Variants in SOX6 observed in about 807,000 individuals in gnomAD.
SOX6 encodes the protein transcription factor SOX-6.
SOX6 carries 11 observed loss-of-function variants against 97.8 expected under a neutral mutation model. The observed-to-expected ratio is 0.11, with a 90% CI of 0.07 to 0.19. The LOEUF is 0.19. Ranked by LOEUF, SOX6 falls within the 10% of genes least tolerant of loss-of-function variation. The probability of loss-of-function intolerance (pLI) is 1.00; values close to 1 mark genes in which losing one functional copy is unlikely to be tolerated. For missense variants in SOX6, 810 were observed against 1,039.5 expected (o/e 0.78, Z 3.04); for synonymous variants, 360 against 371.4 (o/e 0.97, Z 0.35).
In SOX6 at chr11:16,214,947, A is replaced by G. The variant is rs187120037; in HGVS notation, c.535+19635T>C. 4.6e-5 allele frequency among the ~76,000 whole-genome samples: 7 copies of G among 151,958 alleles called. No homozygotes were observed. The East Asian group carries it at 1.4e-3, about 30-fold the overall frequency. On this transcript the variant is annotated intron_variant, in intron 4 of 15. Transcript: ENST00000683767. ...GTATTTTTAGTAGATACGGGGTTTT[A>G]CCATGTTGATCCGGCTGGCCTCGAA...
In SOX6 at chr11:15,972,723, A is replaced by G; in HGVS notation, c.*86T>C. 7.1e-7 allele frequency: 1 copy of G among 1,409,188 alleles called. No individual in the cohort carries two copies. Among genetic ancestry groups the G allele is most frequent in the South Asian group, 1.2e-5 (1 of 86,582 alleles). The allele number at this position is 1,409,188 out of a possible 1,614,324, so 87.3% of individuals were successfully genotyped here. On this transcript the variant is annotated 3_prime_UTR_variant, in exon 16 of 16. Transcript: ENST00000683767. ...ATTCTGCTGATGTAATTGTGGAGCC[A>G]CAAATGCATGCGGGCTCTTTAATAA...
intron 6 of SOX6, among the ~76,000 whole-genome samples, chr11:16,135,822 G>A (rs1424500634): frequency 6.6e-6 from 1 of 152,156 alleles, no homozygotes; most frequent in Non-Finnish European, 1.5e-5. Flanking sequence ...TCTACTGTGG[G>A]TAAAACGTTA....
chr11:16,033,662 G>A (rs1322537445), intron 12 of SOX6, among the ~76,000 whole-genome samples: 1 of 152,100 alleles, frequency 6.6e-6, no homozygotes, highest in Non-Finnish European at 1.5e-5. Flanking sequence ...CCTGAGGTCA[G>A]GAGTTCGAGA....
intron 4 of SOX6, among the ~76,000 whole-genome samples, chr11:16,592,826 G>A (rs1659403472): frequency 6.6e-6 from 1 of 152,248 alleles, no homozygotes; most frequent in Admixed American, 6.5e-5. Flanking sequence ...CAAGGCTAAT[G>A]GAAATCCTCT....
chr11:16,082,986 T>C (rs1054845354), intron 9 of SOX6, among the ~76,000 whole-genome samples: 1 of 152,200 alleles, frequency 6.6e-6, no homozygotes, highest in Non-Finnish European at 1.5e-5. Context: ...TGGGTAGCTA[T>C]TCTCTTTGTC....
intron 2 of SOX6, among the ~76,000 whole-genome samples, chr11:16,721,620 T>TCC (rs1440439674): frequency 4.0e-5 from 2 of 50,026 alleles, no homozygotes; most frequent in African/African-American, 1.2e-4. Flanking sequence ...CCTCCCTCCC[T>TCC]CTCTCTCTCT....
At chr11:16,007,329 G>A (rs1336765020) in intron 13 of SOX6, among the ~76,000 whole-genome samples, 2 of 152,022 alleles carry the variant, frequency 1.3e-5, no homozygotes, top group East Asian at 3.9e-4. Flanking sequence ...AACATAGACA[G>A]GGTACAGAAA....
rs146233765 is a variant in SOX6 at position 16,440,906 on chromosome 11, A to G, written c.-5+35409T>C. On this transcript the variant is annotated intron_variant, in intron 1 of 15. Transcript: ENST00000396356. Reference sequence around the variant, plus strand: ...CAGGGCTGAGAGAAAAATTTCTCCAATGGAAAATTTGTTTTTCATATTAAA... The same window carrying G: ...CAGGGCTGAGAGAAAAATTTCTCCAGTGGAAAATTTGTTTTTCATATTAAA... Among the ~76,000 whole-genome samples the G allele has an allele frequency of 1.6e-4, 25 of 152,238 alleles. No homozygotes were observed. In the East Asian group the frequency reaches 4.6e-3, roughly 28 times the overall value.
chr11:16,295,311 T>C (rs1247455655), intron 3 of SOX6, among the ~76,000 whole-genome samples: 2 of 152,074 alleles, frequency 1.3e-5, no homozygotes, highest in Admixed American at 6.6e-5. Context: ...CAAATACCAG[T>C]ACAAAGACTC....
At chr11:16,318,372 C>CTT (rs34820506) in intron 3 of SOX6, 74 bp downstream of exon 3, 14,102 of 1,340,146 alleles carry the variant, frequency 0.011, no homozygotes, top group East Asian at 0.023. Flanking sequence ...TGAAATCCCA[C>CTT]TTTTTTTTTT....
chr11:16,665,184 A>G (rs1212771687), intron 3 of SOX6, among the ~76,000 whole-genome samples: 1 of 151,968 alleles, frequency 6.6e-6, no homozygotes, highest in Non-Finnish European at 1.5e-5. Context: ...AGAACGGTAA[A>G]GGGGACTTTG....
intron 4 of SOX6, among the ~76,000 whole-genome samples, chr11:16,202,594 T>A (rs1337399560): frequency 2.0e-5 from 3 of 152,154 alleles, no homozygotes; most frequent in African/African-American, 7.2e-5. Flanking sequence ...TTTAACCAAT[T>A]TCTCACTAAC....
chr11:16,480,464 C>G (rs1860324205), upstream of SOX6, among the ~76,000 whole-genome samples: 1 of 151,890 alleles, frequency 6.6e-6, no homozygotes, highest in South Asian at 2.1e-4. Context: ...ATGAAGAAAC[C>G]ATAAACATTT....
chr11:16,109,147 A>C (rs1055019660), intron 7 of SOX6, among the ~76,000 whole-genome samples: 3 of 152,116 alleles, frequency 2.0e-5, no homozygotes, highest in Non-Finnish European at 4.4e-5. Flanking sequence ...TCTTTCAAAA[A>C]TTTAGTCATT....
At chr11:16,482,458 T>C (rs568522688) in intron 4 of SOX6, among the ~76,000 whole-genome samples, 48 of 152,318 alleles carry the variant, frequency 3.2e-4, no homozygotes, top group African/African-American at 1.1e-3. Flanking sequence ...GAAACATTTT[T>C]AAGTACTGGG....
chr11:16,042,661 T>C (rs1245389475), intron 12 of SOX6, among the ~76,000 whole-genome samples: 2 of 152,276 alleles, frequency 1.3e-5, no homozygotes, highest in South Asian at 2.1e-4. Context: ...TTTTCCCATA[T>C]GCAAATTGAA....
chr11:16,618,305 A>C (rs1406022573), intron 3 of SOX6, among the ~76,000 whole-genome samples: 2 of 151,948 alleles, frequency 1.3e-5, no homozygotes, highest in South Asian at 4.1e-4. Flanking sequence ...ATTTGAAAAG[A>C]CACATTAGAC....
chr11:16,213,338 T>A (rs1017170036), intron 4 of SOX6, among the ~76,000 whole-genome samples: 13 of 152,172 alleles, frequency 8.5e-5, no homozygotes, highest in Non-Finnish European at 1.6e-4. Context: ...TTCTTTAGTA[T>A]TTTCCTTAGC....
intron 3 of SOX6, among the ~76,000 whole-genome samples, chr11:16,640,224 G>A (rs1022146749): frequency 1.3e-4 from 20 of 152,072 alleles, no homozygotes; most frequent in African/African-American, 1.9e-4. Flanking sequence ...ATTGATTTGC[G>A]TATTTTGAAC....
Sources: allele counts gnomAD v4.1 joint callset (sites outside exome capture counted in the v4.1 genomes callset), GRCh38; gene constraint gnomAD v4.1.1; transcripts MANE v1.5; gene names NCBI Gene and HGNC (gene_info 2026-07-23, HGNC 2026-07-21).